Variants in JAKMIP2 observed in about 807,000 individuals in gnomAD.
The protein encoded by JAKMIP2 is janus kinase and microtubule-interacting protein 2.
JAKMIP2 carries 25 observed loss-of-function variants against 115.0 expected under a neutral mutation model. The ratio of observed to expected loss-of-function variants is 0.22; its 90% CI spans 0.16 to 0.30. The LOEUF (loss-of-function observed/expected upper bound fraction) is 0.30, where lower values mean the gene tolerates loss of function less well. JAKMIP2 is among the 10% of genes least tolerant of loss of function. The probability of loss-of-function intolerance (pLI) is 1.00; values close to 1 mark genes in which losing one functional copy is unlikely to be tolerated. For missense variants in JAKMIP2, 642 were observed against 957.6 expected, an observed-to-expected ratio of 0.67 and a Z score of 4.35; for synonymous variants, 334 against 343.6, an observed-to-expected ratio of 0.97 and a Z score of 0.31.
chr5:147,672,802 A>T (rs531514624), intron 1 of JAKMIP2, among the ~76,000 whole-genome samples: 29 of 152,324 alleles, frequency 1.9e-4, no homozygotes, highest in African/African-American at 6.0e-4. Context: ...CAAAGAAAAA[A>T]GCAGGTGCCG....
intron 20 of JAKMIP2, among the ~76,000 whole-genome samples, chr5:147,610,654 C>G (rs1050406352): frequency 6.6e-6 from 1 of 152,198 alleles, no homozygotes; most frequent in Non-Finnish European, 1.5e-5. Context: ...TCAGGAGGCA[C>G]GGGGGTCAGG....
At chr5:147,703,961 G>T (rs1029059906) in intron 1 of JAKMIP2, among the ~76,000 whole-genome samples, 3 of 151,680 alleles carry the variant, frequency 2.0e-5, no homozygotes, top group Non-Finnish European at 4.4e-5. Context: ...AACACCAACC[G>T]CACATTACCT....
intron 1 of JAKMIP2, among the ~76,000 whole-genome samples, chr5:147,778,168 A>C (rs1407095930): frequency 3.9e-5 from 6 of 152,180 alleles, no homozygotes; most frequent in African/African-American, 1.4e-4. Flanking sequence ...CTATAAAATA[A>C]GTGCATATTA....
intron 17 of JAKMIP2, among the ~76,000 whole-genome samples, chr5:147,621,218 C>A (rs1390130495): frequency 6.6e-6 from 1 of 152,176 alleles, no homozygotes; most frequent in African/African-American, 2.4e-5. Context: ...ACCCACACTG[C>A]TGCTTAATGA....
chr5:147,705,460 G>A (rs914394115), intron 1 of JAKMIP2, among the ~76,000 whole-genome samples: 8 of 151,960 alleles, frequency 5.3e-5, no homozygotes, highest in South Asian at 4.2e-4. Flanking sequence ...AAAATTAGCC[G>A]AGAATCATTT....
At chr5:147,720,278 A>G (rs1185821828) in intron 1 of JAKMIP2, among the ~76,000 whole-genome samples, 1 of 151,820 alleles carries the variant, frequency 6.6e-6, no homozygotes, top group Non-Finnish European at 1.5e-5. Flanking sequence ...GGCTGCCCTT[A>G]ACATTTTTTC....
chr5:147,676,168 C>T (rs1759945712), intron 1 of JAKMIP2, among the ~76,000 whole-genome samples: 1 of 152,068 alleles, frequency 6.6e-6, no homozygotes, highest in African/African-American at 2.4e-5. Flanking sequence ...CCCGTCTCTA[C>T]TATAAAAATA....
At chr5:147,617,605 G>T (rs1756652564) in intron 19 of JAKMIP2, among the ~76,000 whole-genome samples, 1 of 152,118 alleles carries the variant, frequency 6.6e-6, no homozygotes, top group African/African-American at 2.4e-5. Context: ...AGAGTGTCCT[G>T]CTTCCCTGCA....
intron 1 of JAKMIP2, among the ~76,000 whole-genome samples, chr5:147,673,354 A>G (rs1050500046): frequency 6.6e-6 from 1 of 152,220 alleles, no homozygotes; most frequent in Non-Finnish European, 1.5e-5. Context: ...GAGGAGCTTC[A>G]GTCCAGAGCT....
At chr5:147,694,687 G>T (rs1752025776) in intron 1 of JAKMIP2, among the ~76,000 whole-genome samples, 1 of 152,120 alleles carries the variant, frequency 6.6e-6, no homozygotes, top group Non-Finnish European at 1.5e-5. Flanking sequence ...TTTTGAGACT[G>T]CATCTTTCTT....
At chr5:147,644,741 A>G in intron 6 of JAKMIP2, 109 bp downstream of exon 6, 2 of 1,008,362 alleles carry the variant, frequency 2.0e-6, no homozygotes, top group African/African-American at 1.7e-5. Context: ...ATAAGGAAAA[A>G]TCCAAATAGC....
intron 1 of JAKMIP2, among the ~76,000 whole-genome samples, chr5:147,710,944 A>G (rs1361457574): frequency 6.6e-6 from 1 of 152,226 alleles, no homozygotes; most frequent in Non-Finnish European, 1.5e-5. Context: ...AGACAGAGGA[A>G]TAAAAATCTT....
chr5:147,631,350 C>T, intron 14 of JAKMIP2, 63 bp downstream of exon 14: 2 of 978,500 alleles, frequency 2.0e-6, no homozygotes, highest in Non-Finnish European at 3.1e-6. Flanking sequence ...TAAGTAACCT[C>T]CCCTTTTCCA....
Position 147,587,047 on chromosome 5 carries a change from T to A in JAKMIP2, c.*4660A>T, listed in dbSNP as rs1424154228. Reference sequence around the variant, plus strand: ...GGATTAGCTCCAACTTTCCATTATGTCTGTATCTTCTTGCCAATATGCCTG... The same window carrying A: ...GGATTAGCTCCAACTTTCCATTATGACTGTATCTTCTTGCCAATATGCCTG... On this transcript the variant is annotated 3_prime_UTR_variant, in exon 22 of 22. Coordinates refer to ENST00000616793, the MANE Select transcript of JAKMIP2 (RefSeq NM_001270941.2). 1 of 152,170 alleles carries A rather than the reference T, an allele frequency of 6.6e-6. No homozygotes were observed. Among genetic ancestry groups the A allele is most frequent in the Admixed American group, 6.5e-5 (1 of 15,272 alleles). The allele number at this position is 152,170 out of a possible 1,614,324, so 9.4% of individuals were successfully genotyped here.
At chr5:147,762,237 C>T (rs1754953194) in intron 1 of JAKMIP2, among the ~76,000 whole-genome samples, 1 of 152,002 alleles carries the variant, frequency 6.6e-6, no homozygotes, top group African/African-American at 2.4e-5. Context: ...TAACTAAAAT[C>T]ATATTGAGAG....
At chr5:147,613,534 T>C (rs148209066) in intron 19 of JAKMIP2, among the ~76,000 whole-genome samples, 1 of 152,324 alleles carries the variant, frequency 6.6e-6, no homozygotes, top group African/African-American at 2.4e-5. Flanking sequence ...TTAGTTAATA[T>C]GTTTATTTAT....
chr5:147,744,451 A>C (rs1754276444), intron 1 of JAKMIP2, among the ~76,000 whole-genome samples: 1 of 152,186 alleles, frequency 6.6e-6, no homozygotes, highest in African/African-American at 2.4e-5. Flanking sequence ...GGCCACTTCT[A>C]TTTTGGAGCC....
intron 1 of JAKMIP2, among the ~76,000 whole-genome samples, chr5:147,697,348 T>C (rs1752146511): frequency 6.6e-6 from 1 of 152,182 alleles, no homozygotes; most frequent in South Asian, 2.1e-4. Context: ...CCCCCATGAT[T>C]CAATTATCTC....
intron 1 of JAKMIP2, among the ~76,000 whole-genome samples, chr5:147,745,225 C>G (rs1443602544): frequency 6.6e-6 from 1 of 152,156 alleles, no homozygotes; most frequent in Non-Finnish European, 1.5e-5. Flanking sequence ...TACCAATGAT[C>G]TGAGAACAGC....
Sources: allele counts gnomAD v4.1 joint callset (sites outside exome capture counted in the v4.1 genomes callset), GRCh38; gene constraint gnomAD v4.1.1; transcripts MANE v1.5; gene names NCBI Gene and HGNC (gene_info 2026-07-23, HGNC 2026-07-21).